Variants in PDZRN3 observed in about 807,000 individuals in gnomAD.
The protein encoded by PDZRN3 is PDZ domain containing ring finger 3, also known as E3 ubiquitin-protein ligase PDZRN3.
Under a neutral mutation model 85.7 loss-of-function variants are expected in PDZRN3, and 38 were observed. The ratio of observed to expected loss-of-function variants is 0.44; its 90% CI spans 0.34 to 0.58. The LOEUF is 0.58. PDZRN3 is among the 20% of genes least tolerant of loss of function. PDZRN3 has a pLI of 0.01. For missense variants in PDZRN3, 1,629 were observed against 1,506.4 expected (o/e 1.08, Z -1.35); for synonymous variants, 759 against 638.0 (o/e 1.19, Z -2.86).
At chr3:73,467,030 T>C (rs1703233730) in intron 3 of PDZRN3, among the ~76,000 whole-genome samples, 5 of 152,172 alleles carry the variant, frequency 3.3e-5, no homozygotes. Context: ...ATACCCCCAG[T>C]TTATTGTCTA....
intron 3 of PDZRN3, among the ~76,000 whole-genome samples, chr3:73,495,254 A>T (rs1288263416): frequency 6.6e-6 from 1 of 152,086 alleles, no homozygotes; most frequent in Non-Finnish European, 1.5e-5. Context: ...TTTGCTTTTT[A>T]AAAGAATTTT....
chr3:73,486,641 A>G (rs1341441139), intron 3 of PDZRN3, among the ~76,000 whole-genome samples: 1 of 152,242 alleles, frequency 6.6e-6, no homozygotes, highest in Admixed American at 6.5e-5. Context: ...ATATTTTACC[A>G]TAATTTTAAA....
At chr3:73,547,985 C>A (rs1214661018) in intron 3 of PDZRN3, among the ~76,000 whole-genome samples, 1 of 152,196 alleles carries the variant, frequency 6.6e-6, no homozygotes, top group Non-Finnish European at 1.5e-5. Context: ...GAATCAGAAA[C>A]ATATGGATTT....
intron 3 of PDZRN3, among the ~76,000 whole-genome samples, chr3:73,499,414 C>T (rs946259469): frequency 1.3e-5 from 2 of 152,162 alleles, no homozygotes; most frequent in Non-Finnish European, 2.9e-5. Flanking sequence ...AGCCATGAGC[C>T]GCTCCCCTCC....
chr3:73,562,520 T>C (rs1256073491), intron 3 of PDZRN3, among the ~76,000 whole-genome samples: 2 of 152,180 alleles, frequency 1.3e-5, no homozygotes, highest in Admixed American at 6.5e-5. Context: ...TACTAAGACG[T>C]CACTTTGCTT....
Position 73,429,883 on chromosome 3 carries a change from T to C in PDZRN3, c.919-25488A>G, listed in dbSNP as rs111487832. ...CTCTGCACATCACCCTTTCCAGGTA[T>C]GAAGGACCAGCAACCCCGTAGGAAC... On this transcript the variant is annotated intron_variant, in intron 3 of 9. Coordinates refer to ENST00000263666, the MANE Select transcript of PDZRN3 (RefSeq NM_015009.3). 6.0e-3 allele frequency among the ~76,000 whole-genome samples: 915 copies of C among 152,286 alleles called. 13 individuals carry two copies. The highest frequency in any genetic ancestry group is 0.02 in the African/African-American group (835 of 41,550).
At chr3:73,572,102 T>C (rs967697563) in intron 3 of PDZRN3, among the ~76,000 whole-genome samples, 1 of 152,224 alleles carries the variant, frequency 6.6e-6, no homozygotes, top group Admixed American at 6.5e-5. Context: ...AAAAGCAAGC[T>C]GGAGTGAATA....
chr3:73,433,511 G>T, intron 3 of PDZRN3: 2 of 628,840 alleles, frequency 3.2e-6, no homozygotes, highest in Non-Finnish European at 2.7e-6. Flanking sequence ...AAGTCAGAAA[G>T]GCTGCGTCTT....
chr3:73,495,361 A>G (rs1234573239), intron 3 of PDZRN3, among the ~76,000 whole-genome samples: 1 of 152,152 alleles, frequency 6.6e-6, no homozygotes, highest in Non-Finnish European at 1.5e-5. Context: ...CTCCTCTTCC[A>G]AGGAGAAACC....
chr3:73,433,637 A>C, intron 3 of PDZRN3: 4 of 1,526,846 alleles, frequency 2.6e-6, no homozygotes, highest in Non-Finnish European at 3.5e-6. Flanking sequence ...GCAGGGTGTT[A>C]CCTGACAAAC....
chr3:73,590,186 T>C (rs1322264704), intron 3 of PDZRN3, among the ~76,000 whole-genome samples: 1 of 147,492 alleles, frequency 6.8e-6, no homozygotes, highest in Non-Finnish European at 1.5e-5. Context: ...CAAGAATCGC[T>C]TGAACCGGGG....
At chr3:73,401,459 A>G (rs1376461988) in intron 4 of PDZRN3, among the ~76,000 whole-genome samples, 1 of 152,222 alleles carries the variant, frequency 6.6e-6, no homozygotes, top group Non-Finnish European at 1.5e-5. Flanking sequence ...AAGGCTGAGA[A>G]TGAAACTGTT....
intron 3 of PDZRN3, among the ~76,000 whole-genome samples, chr3:73,561,821 TA>T (rs967018463): frequency 1.4e-4 from 21 of 149,022 alleles, no homozygotes; most frequent in South Asian, 2.1e-4. Flanking sequence ...CAAGCAAACT[TA>T]AAAAAAAAAT....
chr3:73,600,349 T>A (rs1052557729), intron 3 of PDZRN3, among the ~76,000 whole-genome samples: 1 of 150,480 alleles, frequency 6.6e-6, no homozygotes, highest in African/African-American at 2.5e-5. Context: ...TCTCTCTCTC[T>A]CTCTCTCTCT....
Position 73,391,085 on chromosome 3 carries a change from T to C in PDZRN3, c.1286A>G (p.Asp429Gly). The change falls in exon 6 of 10, where the codon GAC (aspartate) becomes GGC (glycine). Residue 429 changes from aspartate to glycine, a missense_variant. Physicochemically the swap from Asp to Gly is moderately conservative, Grantham distance 94. Coordinates refer to ENST00000263666, the MANE Select transcript of PDZRN3 (RefSeq NM_015009.3). ...EVDLYRMNSQ[D>G]KLGLTVCYRT... The stretch of plus-strand genomic sequence containing the variant: ...GTAGCACACAGTGAGGCCCAGCTTG[T>C]CCTGGCTGTTCATTCTGTAGAGGTC... 1 of 1,613,916 alleles carries C rather than the reference T, an allele frequency of 6.2e-7. No homozygotes were observed. The highest frequency in any genetic ancestry group is 1.1e-5 in the South Asian group (1 of 91,054).
At chr3:73,460,753 C>A (rs1329835774) in intron 3 of PDZRN3, among the ~76,000 whole-genome samples, 2 of 151,988 alleles carry the variant, frequency 1.3e-5, no homozygotes, top group East Asian at 3.9e-4. Context: ...TTTAACACAG[C>A]CTTTTCTATG....
chr3:73,594,641 G>C (rs1702407437), intron 3 of PDZRN3, among the ~76,000 whole-genome samples: 1 of 152,072 alleles, frequency 6.6e-6, no homozygotes, highest in Non-Finnish European at 1.5e-5. Context: ...AAATCTAAAT[G>C]GTTCTTTCCA....
intron 3 of PDZRN3, among the ~76,000 whole-genome samples, chr3:73,531,753 G>A (rs968912098): frequency 1.3e-5 from 2 of 152,100 alleles, no homozygotes; most frequent in African/African-American, 4.8e-5. Context: ...TTTGCTCATC[G>A]AGTCTAATCA....
intron 3 of PDZRN3, among the ~76,000 whole-genome samples, chr3:73,443,537 G>A (rs1465873502): frequency 6.9e-6 from 1 of 144,462 alleles, no homozygotes; most frequent in African/African-American, 2.8e-5. Context: ...CCAGGCTGGA[G>A]TTCAGTGGTA....
Sources: gnomAD v4.1 joint callset for allele counts (sites outside exome capture counted in the v4.1 genomes callset) on GRCh38, gnomAD v4.1.1 for gene constraint, MANE v1.5 for transcripts, NCBI Gene and HGNC (gene_info 2026-07-23, HGNC 2026-07-21) for gene names.